The following PCDHA6 variants were observed in gnomAD, a reference collection of about 807,000 sequenced individuals.
PCDHA6 encodes protocadherin alpha 6.
Under a neutral mutation model 60.3 loss-of-function variants are expected in PCDHA6, and 55 were observed. That is an observed-to-expected ratio of 0.91 (90% CI 0.73 to 1.14). The LOEUF is 1.14. PCDHA6 is among the 50% of genes most tolerant of loss of function. The pLI is 0.00. For missense variants in PCDHA6, 1,327 were observed against 1,256.5 expected, an observed-to-expected ratio of 1.06 and a Z score of -0.85; for synonymous variants, 652 against 557.9, an observed-to-expected ratio of 1.17 and a Z score of -2.38.
Position 140,828,554 on chromosome 5 carries a change from G to A in PCDHA6, c.463G>A (p.Glu155Lys). 1 of 1,614,212 alleles carries A rather than the reference G, an allele frequency of 6.2e-7. No homozygotes were observed. The highest frequency in any genetic ancestry group is 1.1e-5 in the South Asian group (1 of 91,076). ...GCTGCCAGATTCTGTGTTTCCACTGGAGGGCGCGTCCGATGCAGATGTTGG... is the reference window on the plus strand; with the variant it reads ...GCTGCCAGATTCTGTGTTTCCACTGAAGGGCGCGTCCGATGCAGATGTTGG... ...SRLPDSVFPL[E>K]GASDADVGSN... Residue 155 changes from glutamate (E) to lysine (K), a missense_variant, in exon 1 of 4, where the codon GAG becomes AAG. Glu to Lys is a moderately conservative substitution (Grantham distance 56). Transcript: ENST00000529310.
chr5:140,854,644 T>C (rs1213707122), intron 1 of PCDHA6: 1 of 150,056 alleles, frequency 6.7e-6, no homozygotes, highest in African/African-American at 2.4e-5. Flanking sequence ...AAAACATCAT[T>C]AAATAAAATA....
At chr5:140,877,159 C>G in intron 1 of PCDHA6, 2 of 1,613,818 alleles carry the variant, frequency 1.2e-6, no homozygotes, top group Non-Finnish European at 1.7e-6. Flanking sequence ...CGACAACGCG[C>G]CGGCACTGCT....
intron 1 of PCDHA6, chr5:140,856,830 T>C (rs1554149191): frequency 2.5e-6 from 4 of 1,592,726 alleles, no homozygotes; most frequent in Non-Finnish European, 3.4e-6. Context: ...ACATTAGTAA[T>C]ACGGCTCAAC....
In PCDHA6 at chr5:140,875,509, C is replaced by A. The variant is rs1554167713; in HGVS notation, c.2394+45024C>A. On this transcript the variant is annotated intron_variant, in intron 1 of 3. Coordinates refer to ENST00000529310, the MANE Select transcript of PCDHA6 (RefSeq NM_018909.4). The stretch of plus-strand genomic sequence containing the variant: ...CGGACCAAGAGGCCCGGGATCCCAG[C>A]GTCTGCTGCTCTCGCTTCTGCTCCT... 3.7e-6 allele frequency: 6 copies of A among 1,613,576 alleles called. No individual in the cohort carries two copies. The Admixed American group carries it at 6.7e-5, about 18-fold the overall frequency.
At chr5:140,882,009 A>C in intron 1 of PCDHA6, 1 of 522,488 alleles carries the variant, frequency 1.9e-6, no homozygotes, top group East Asian at 3.2e-5. Context: ...AGGGGCAAAA[A>C]AATACTACAT....
chr5:140,957,778 A>G (rs1554223119), intron 1 of PCDHA6, among the ~76,000 whole-genome samples: 4 of 152,122 alleles, frequency 2.6e-5, no homozygotes, highest in African/African-American at 9.7e-5. Context: ...AGTAAAAACT[A>G]AGTTCATCAT....
chr5:140,881,679 A>G (rs2058790767), intron 1 of PCDHA6, among the ~76,000 whole-genome samples: 1 of 152,220 alleles, frequency 6.6e-6, no homozygotes, highest in Non-Finnish European at 1.5e-5. Flanking sequence ...TGTGATTGTT[A>G]TGTTTCCTTT....
intron 1 of PCDHA6, chr5:140,876,840 G>C: frequency 6.2e-7 from 1 of 1,614,166 alleles, no homozygotes; most frequent in Non-Finnish European, 8.5e-7. Flanking sequence ...CTGCGTTCGC[G>C]CAGCCCGAGT....
chr5:140,996,293 A>T (rs1481852263), intron 3 of PCDHA6, among the ~76,000 whole-genome samples: 1 of 152,264 alleles, frequency 6.6e-6, no homozygotes, highest in African/African-American at 2.4e-5. Context: ...CAAGAAGCAC[A>T]GATTGTAACA....
At position 140,829,205 on chromosome 5, in the gene PCDHA6, A is replaced by C. The variant is rs2150163875; in HGVS notation, c.1114A>C (p.Ile372Leu). 1 of 1,614,212 alleles carries C rather than the reference A, an allele frequency of 6.2e-7. No individual in the cohort carries two copies. The highest frequency in any genetic ancestry group is 8.5e-7 in the Non-Finnish European group (1 of 1,180,040). Reference protein sequence around the residue: ...DAQFGTVIALISVNDLDSGAN... With the variant: ...DAQFGTVIALLSVNDLDSGAN... ...TCAATTTGGTACTGTCATCGCCCTA[A>C]TTAGCGTGAACGACCTCGATTCAGG... The change falls in exon 1 of 4, where the codon ATT becomes CTT. Residue 372 changes from isoleucine (I) to leucine (L), a missense_variant. Ile to Leu is a conservative substitution (Grantham distance 5). Coordinates refer to ENST00000529310, the MANE Select transcript of PCDHA6 (RefSeq NM_018909.4).
intron 1 of PCDHA6, chr5:140,877,106 TG>T: frequency 6.2e-7 from 1 of 1,613,554 alleles, no homozygotes. Flanking sequence ...GTGCCGCCTC[TG>T]GGCAGCAACG....
intron 1 of PCDHA6, among the ~76,000 whole-genome samples, chr5:140,893,662 A>C (rs1462433571): frequency 6.6e-6 from 1 of 152,204 alleles, no homozygotes; most frequent in Non-Finnish European, 1.5e-5. Flanking sequence ...GTTTTAAAAA[A>C]TTTCAGCACT....
intron 1 of PCDHA6, among the ~76,000 whole-genome samples, chr5:140,845,576 A>G (rs1779934940): frequency 6.7e-6 from 1 of 149,490 alleles, no homozygotes; most frequent in Non-Finnish European, 1.5e-5. Flanking sequence ...AATTTCTGGG[A>G]TTGAAATGTG....
Position 140,857,899 on chromosome 5 carries a change from A to G in PCDHA6, c.2394+27414A>G. On this transcript the variant is annotated intron_variant, in intron 1 of 3. Transcript: ENST00000529310. ...AATTGCAGTCGGCGGCGGTTGGTGC[A>G]CGCATCCCGTTTCGCGTGGGGCTGT... 7 of 1,597,716 alleles carry G rather than the reference A, an allele frequency of 4.4e-6. 1 individual carries two copies. The highest frequency in any genetic ancestry group is 6.0e-6 in the Non-Finnish European group (7 of 1,167,490).
At chr5:140,950,608 T>G (rs1490243292) in intron 1 of PCDHA6, among the ~76,000 whole-genome samples, 1 of 152,086 alleles carries the variant, frequency 6.6e-6, no homozygotes, top group Non-Finnish European at 1.5e-5. Context: ...GACTATGATG[T>G]GCTTATTTAT....
chr5:140,873,418 A>C (rs2054276774), intron 1 of PCDHA6, among the ~76,000 whole-genome samples: 1 of 152,174 alleles, frequency 6.6e-6, no homozygotes. Flanking sequence ...AATTTTGTAA[A>C]TTATTATTTT....
chr5:140,957,694 C>T (rs269548), intron 1 of PCDHA6, among the ~76,000 whole-genome samples: 31,397 of 151,782 alleles, frequency 0.21, 4,012 homozygotes, highest in African/African-American at 0.36. Flanking sequence ...AGACAATGAA[C>T]ATTATGTAGT....
chr5:140,873,030 C>T (rs251373), intron 1 of PCDHA6, among the ~76,000 whole-genome samples: 67,234 of 151,934 alleles, frequency 0.44, 15,336 homozygotes, highest in South Asian at 0.58. Context: ...TCTTACTACA[C>T]GTAGAGTGGT....
chr5:140,991,923 C>T (rs996562269), intron 3 of PCDHA6, among the ~76,000 whole-genome samples: 1 of 152,088 alleles, frequency 6.6e-6, no homozygotes, highest in Non-Finnish European at 1.5e-5. Flanking sequence ...TGTAACATAA[C>T]ATATTCACAA....
Sources: gnomAD v4.1 joint callset for allele counts (sites outside exome capture counted in the v4.1 genomes callset) on GRCh38, gnomAD v4.1.1 for gene constraint, MANE v1.5 for transcripts, NCBI Gene and HGNC (gene_info 2026-07-23, HGNC 2026-07-21) for gene names.